The following MACROD2 variants were observed in gnomAD, a reference collection of about 807,000 sequenced individuals.
The protein encoded by MACROD2 is ADP-ribose glycohydrolase MACROD2.
Under a neutral mutation model 70.4 loss-of-function variants are expected in MACROD2, and 36 were observed. That is an observed-to-expected ratio of 0.51 (90% confidence interval 0.39 to 0.68). The LOEUF (loss-of-function observed/expected upper bound fraction) is 0.68. Ranked by LOEUF, MACROD2 falls within the 30% of genes least tolerant of loss-of-function variation. The probability of loss-of-function intolerance (pLI) is 0.00; values close to 1 mark genes in which losing one functional copy is unlikely to be tolerated. For synonymous variants in MACROD2, 172 were observed against 178.8 expected (o/e 0.96, Z 0.30); for missense variants, 496 against 538.4 (o/e 0.92, Z 0.78).
Position 15,986,746 on chromosome 20 carries a change from G to A in MACROD2, c.1005G>A (p.Thr335=), listed in dbSNP as rs752117870. 3.5e-5 allele frequency: 57 copies of A among 1,613,044 alleles called. No individual in the cohort carries two copies. The Admixed American group carries it at 7.2e-4, about 20-fold the overall frequency. ...GAACAGGACAAGAGAATGATTCAAC[G>A]AAGAATGAAATAAAAATTGAAACAG... ...DHPDGQENDS[T]KNEIKIETES... Residue 335 remains threonine (T), a synonymous_variant, in exon 14 of 18, where the codon ACG becomes ACA. Coordinates refer to ENST00000684519, the MANE Select transcript of MACROD2 (RefSeq NM_001351661.2).
intron 2 of MACROD2, among the ~76,000 whole-genome samples, chr20:14,042,764 T>C (rs2053410979): frequency 6.6e-6 from 1 of 152,108 alleles, no homozygotes; most frequent in Non-Finnish European, 1.5e-5. Context: ...CCTCCCAAAG[T>C]GTTGAGATTA....
intron 13 of MACROD2, among the ~76,000 whole-genome samples, chr20:15,972,213 C>T (rs1352165871): frequency 3.9e-5 from 6 of 151,968 alleles, no homozygotes; most frequent in Non-Finnish European, 5.9e-5. Flanking sequence ...AAAGAGCATC[C>T]ATGAGCTATG....
At position 15,085,873 on chromosome 20, in the gene MACROD2, A is replaced by AACACACACACACACACACAC. The variant is rs3070249; in HGVS notation, c.419-144047_419-144028dup. 3.5e-5 allele frequency among the ~76,000 whole-genome samples: 5 copies of AACACACACACACACACACAC among 144,386 alleles called. No homozygotes were observed. The South Asian group carries it at 6.8e-4, about 20-fold the overall frequency. The allele number at this position is 144,386 out of a possible 152,430, so 94.7% of individuals were successfully genotyped here. A position where few individuals can be genotyped will look rare whatever the true frequency, so the allele number is the denominator to read the frequency against. ...AAAGATGAATAACACACACACACAC[A>AACACACACACACACACACAC]ACACACACACACACACACACACACA... is the stretch of plus-strand genomic sequence containing the variant. On this transcript the variant is annotated intron_variant, in intron 5 of 17. Coordinates refer to ENST00000684519, the MANE Select transcript of MACROD2 (RefSeq NM_001351661.2).
At chr20:14,520,350 A>C (rs963086943) in intron 4 of MACROD2, among the ~76,000 whole-genome samples, 1 of 152,110 alleles carries the variant, frequency 6.6e-6, no homozygotes, top group African/African-American at 2.4e-5. Context: ...GAAAACCATC[A>C]GTTTATTTAC....
intron 3 of MACROD2, among the ~76,000 whole-genome samples, chr20:14,474,538 G>C (rs1249998902): frequency 2.6e-5 from 4 of 151,978 alleles, no homozygotes; most frequent in African/African-American, 9.7e-5. Context: ...TTTCTGCTTG[G>C]ATGGATCTGT....
At chr20:14,839,482 C>A (rs937481705) in intron 5 of MACROD2, among the ~76,000 whole-genome samples, 1 of 152,090 alleles carries the variant, frequency 6.6e-6, no homozygotes, top group Admixed American at 6.6e-5. Flanking sequence ...CCAGTTGACA[C>A]ACACATGCAA....
intron 5 of MACROD2, among the ~76,000 whole-genome samples, chr20:14,931,650 A>C (rs1219481670): frequency 2.6e-5 from 4 of 152,144 alleles, no homozygotes; most frequent in Non-Finnish European, 5.9e-5. Context: ...AATAAATATC[A>C]TCCCTCCCAC....
Position 15,927,237 on chromosome 20 carries a change from T to C in MACROD2, c.776-6039T>C, listed in dbSNP as rs116721953. The stretch of plus-strand genomic sequence containing the variant: ...AAAATAATAATGCTTTGGGGGAAAA[T>C]GAAATTTCCCTCCTAATCCCTTGAC... On this transcript the variant is annotated intron_variant, in intron 10 of 17. Coordinates refer to ENST00000684519, the MANE Select transcript of MACROD2 (RefSeq NM_001351661.2). Among the ~76,000 whole-genome samples the C allele has an allele frequency of 4.6e-3, 695 of 151,912 alleles. 5 individuals are homozygous for C. The highest frequency in any genetic ancestry group is 0.016 in the African/African-American group (648 of 41,446).
At chr20:14,549,749 G>C (rs538975321) in intron 4 of MACROD2, among the ~76,000 whole-genome samples, 3 of 152,066 alleles carry the variant, frequency 2.0e-5, no homozygotes, top group Admixed American at 2.0e-4. Context: ...GATGCAAAAA[G>C]GAATACAATG....
chr20:15,492,942 G>A (rs2047251008), intron 7 of MACROD2, among the ~76,000 whole-genome samples: 1 of 152,094 alleles, frequency 6.6e-6, no homozygotes, highest in African/African-American at 2.4e-5. Flanking sequence ...GGTTAGTATA[G>A]CAACTACTTT....
chr20:15,955,780 G>T (rs1242711964), intron 12 of MACROD2, among the ~76,000 whole-genome samples: 1 of 152,028 alleles, frequency 6.6e-6, no homozygotes, highest in Non-Finnish European at 1.5e-5. Flanking sequence ...TATCCAAATA[G>T]AATATTTGCA....
chr20:14,261,679 G>A (rs941932031), intron 3 of MACROD2, among the ~76,000 whole-genome samples: 1 of 151,986 alleles, frequency 6.6e-6, no homozygotes, highest in Non-Finnish European at 1.5e-5. Flanking sequence ...TGATTTATTC[G>A]TTCCTTCCCC....
chr20:14,163,772 T>C (rs1199280262), intron 3 of MACROD2, among the ~76,000 whole-genome samples: 1 of 151,696 alleles, frequency 6.6e-6, no homozygotes, highest in Non-Finnish European at 1.5e-5. Flanking sequence ...ATTTCACTGG[T>C]TGAATTCTTC....
chr20:15,215,050 C>G (rs2076797263), intron 5 of MACROD2, among the ~76,000 whole-genome samples: 3 of 152,084 alleles, frequency 2.0e-5, no homozygotes, highest in Admixed American at 2.0e-4. Flanking sequence ...CTAAAAACAA[C>G]TCTTCAAAAC....
At chr20:15,732,868 TATA>T (rs1466785702) in intron 8 of MACROD2, among the ~76,000 whole-genome samples, 1 of 152,154 alleles carries the variant, frequency 6.6e-6, no homozygotes, top group Admixed American at 6.5e-5. Context: ...AGACAACTGG[TATA>T]ATTTCTTCCT....
At chr20:14,473,507 T>G (rs1644198921) in intron 3 of MACROD2, among the ~76,000 whole-genome samples, 1 of 152,210 alleles carries the variant, frequency 6.6e-6, no homozygotes, top group South Asian at 2.1e-4. Flanking sequence ...TGAATAGTAT[T>G]CCATTGTGTA....
At chr20:15,629,961 T>A (rs1227187579) in intron 8 of MACROD2, among the ~76,000 whole-genome samples, 1 of 152,228 alleles carries the variant, frequency 6.6e-6, no homozygotes, top group African/African-American at 2.4e-5. Flanking sequence ...CTGTAAAATC[T>A]CCTGCTCTCT....
intron 3 of MACROD2, among the ~76,000 whole-genome samples, chr20:14,306,612 G>T (rs970170734): frequency 6.6e-6 from 1 of 152,062 alleles, no homozygotes; most frequent in African/African-American, 2.4e-5. Flanking sequence ...TATTTAGGGG[G>T]TCTTCAAGCC....
At chr20:15,235,567 T>C (rs140576673) in intron 6 of MACROD2, among the ~76,000 whole-genome samples, 1 of 152,348 alleles carries the variant, frequency 6.6e-6, no homozygotes, top group Non-Finnish European at 1.5e-5. Flanking sequence ...ATTCTGCATT[T>C]AGTTGTTCCA....
Sources: allele counts gnomAD v4.1 joint callset (sites outside exome capture counted in the v4.1 genomes callset), GRCh38; gene constraint gnomAD v4.1.1; transcripts MANE v1.5; gene names NCBI Gene and HGNC (gene_info 2026-07-23, HGNC 2026-07-21).